Variants in NOL4L observed in about 807,000 individuals in gnomAD.
NOL4L encodes nucleolar protein 4-like.
NOL4L carries 7 observed loss-of-function variants against 64.5 expected under a neutral mutation model. The observed-to-expected ratio is 0.11, with a 90% CI of 0.06 to 0.20. The LOEUF is 0.20. Among genes scored for constraint, NOL4L ranks in the 10% least tolerant of loss-of-function variants. The pLI is 1.00. For missense variants in NOL4L, 680 were observed against 967.1 expected (o/e 0.70, Z 3.94); for synonymous variants, 413 against 401.0 (o/e 1.03, Z -0.36).
intron 4 of NOL4L, 30 bp downstream of exon 4, chr20:32,511,317 A>C (rs1233211485): frequency 2.1e-6 from 3 of 1,428,878 alleles, no homozygotes; most frequent in Non-Finnish European, 2.9e-6. Context: ...GGACGCCTCC[A>C]GGTGGGGTGA....
intron 5 of NOL4L, among the ~76,000 whole-genome samples, chr20:32,473,941 T>C (rs2015205772): frequency 6.6e-6 from 1 of 152,138 alleles, no homozygotes; most frequent in Non-Finnish European, 1.5e-5. Flanking sequence ...GCCCAACCAC[T>C]TGGGGGAGTC....
chr20:32,576,081 C>T lies in NOL4L; in HGVS notation c.321+8489G>A, dbSNP rs148637823. 3.4e-3 allele frequency among the ~76,000 whole-genome samples: 513 copies of T among 152,334 alleles called. 2 individuals carry two copies. Among genetic ancestry groups the T allele is most frequent in the African/African-American group, 0.012 (481 of 41,580 alleles). On this transcript the variant is annotated intron_variant, in intron 1 of 10. Transcript: ENST00000621426. ...GAGCAGTGGGCAGCCAGGGCCAGATCGCGCAGGGCTCTGCAGGCTACTGGG... is the reference window on the plus strand; with the variant it reads ...GAGCAGTGGGCAGCCAGGGCCAGATTGCGCAGGGCTCTGCAGGCTACTGGG...
chr20:32,454,445 T>C (rs1036146818), intron 6 of NOL4L, among the ~76,000 whole-genome samples: 1 of 149,552 alleles, frequency 6.7e-6, no homozygotes, highest in African/African-American at 2.6e-5. Context: ...CCCAGCAGTC[T>C]CCTGTCCTCC....
intron 2 of NOL4L, among the ~76,000 whole-genome samples, chr20:32,525,066 G>A (rs926901316): frequency 6.6e-6 from 1 of 152,232 alleles, no homozygotes; most frequent in Non-Finnish European, 1.5e-5. Flanking sequence ...GCTCCAGGCT[G>A]GGCAGCGGGA....
intron 1 of NOL4L, among the ~76,000 whole-genome samples, chr20:32,568,951 A>G (rs57351160): frequency 0.27 from 41,208 of 152,148 alleles, 11,199 homozygotes; most frequent in African/African-American, 0.7. Flanking sequence ...AAAGGAGAAA[A>G]CTGAGGCACA....
At chr20:32,561,411 G>A (rs886421075) in intron 1 of NOL4L, among the ~76,000 whole-genome samples, 2 of 152,216 alleles carry the variant, frequency 1.3e-5, no homozygotes, top group Non-Finnish European at 2.9e-5. Context: ...AAAAAACGAG[G>A]CTGAGTCCTT....
intron 4 of NOL4L, among the ~76,000 whole-genome samples, chr20:32,476,743 G>T (rs2015423948): frequency 6.6e-6 from 1 of 152,260 alleles, no homozygotes; most frequent in African/African-American, 2.4e-5. Flanking sequence ...ATCCACGAGG[G>T]AGATGGACAA....
rs1054403945 is a variant in NOL4L, at chr20:32,453,030, C to G, written c.1498-24G>C. ...GTCTGCAGGCAGAACGGGGATGGAGCTAGCATGGGGCCCGTGGGGGCCCTG... is the reference window on the plus strand; with the variant it reads ...GTCTGCAGGCAGAACGGGGATGGAGGTAGCATGGGGCCCGTGGGGGCCCTG... On this transcript the variant is annotated intron_variant, in intron 8 of 10. Coordinates refer to ENST00000621426, the MANE Select transcript of NOL4L (RefSeq NM_001256798.2). The surrounding 1 kb of genome is among the most constrained non-coding windows in gnomAD (Gnocchi z 5.6). 6.2e-7 allele frequency: 1 copy of G among 1,611,600 alleles called. No individual in the cohort carries two copies. Among genetic ancestry groups the G allele is most frequent in the Non-Finnish European group, 8.5e-7 (1 of 1,179,860 alleles).
intron 1 of NOL4L, among the ~76,000 whole-genome samples, chr20:32,562,689 C>T (rs1253846171): frequency 6.6e-6 from 1 of 151,976 alleles, no homozygotes; most frequent in African/African-American, 2.4e-5. Context: ...GCCTGGTATC[C>T]TATCTCTGGA....
At chr20:32,546,786 G>T (rs2018738859) in intron 1 of NOL4L, among the ~76,000 whole-genome samples, 1 of 152,208 alleles carries the variant, frequency 6.6e-6, no homozygotes, top group African/African-American at 2.4e-5. Context: ...GTGGGACACA[G>T]GAGAGAGCAT....
chr20:32,483,505 G>A, intron 4 of NOL4L: 2 of 985,338 alleles, frequency 2.0e-6, no homozygotes, highest in South Asian at 4.6e-5. Flanking sequence ...CCACCGCGGC[G>A]CGTCACTGCC....
intron 1 of NOL4L, among the ~76,000 whole-genome samples, chr20:32,574,820 C>T (rs935680006): frequency 1.3e-5 from 2 of 152,096 alleles, no homozygotes; most frequent in African/African-American, 4.8e-5. Flanking sequence ...CCCACCGCCA[C>T]AGGCTGCCAG....
intron 1 of NOL4L, among the ~76,000 whole-genome samples, chr20:32,582,944 G>C (rs1247054467): frequency 3.3e-5 from 5 of 152,034 alleles, no homozygotes; most frequent in Non-Finnish European, 7.4e-5. Context: ...GGACTCGATC[G>C]GGGGAGGGGA....
intron 3 of NOL4L, 35 bp from the exon 4 acceptor site, chr20:32,511,491 C>G (rs940310405): frequency 2.5e-5 from 37 of 1,459,090 alleles, no homozygotes; most frequent in Middle Eastern, 1.7e-4. Context: ...CCCTTTCAGT[C>G]TGTGCTGCGG....
At chr20:32,508,419 C>T (rs969124128) in intron 4 of NOL4L, among the ~76,000 whole-genome samples, 1 of 152,224 alleles carries the variant, frequency 6.6e-6, no homozygotes, top group African/African-American at 2.4e-5. Flanking sequence ...TCTTGCGCCA[C>T]GTGCCCAGCC....
chr20:32,475,329 G>A (rs1420329058), intron 4 of NOL4L: 1 of 985,354 alleles, frequency 1.0e-6, no homozygotes, highest in Non-Finnish European at 1.2e-6. Context: ...CAGCTTCCAG[G>A]GCTGAAAGGG....
Position 32,446,491 on chromosome 20 carries a change from G to A in NOL4L, c.*1105C>T, listed in dbSNP as rs1259589187. The A allele has an allele frequency of 1.3e-5, 2 of 152,324 alleles. No homozygotes were observed. The highest frequency in any genetic ancestry group is 1.9e-4 in the East Asian group (1 of 5,198). The allele number at this position is 152,324 out of a possible 1,614,324, so 9.4% of individuals were successfully genotyped here. ...GAAGAAGTGGCCCCTCTTGGCAGGA[G>A]TGAGTCTGAGGGGCCAGGCCTGTGC... is the stretch of plus-strand genomic sequence containing the variant. On this transcript the variant is annotated 3_prime_UTR_variant, in exon 11 of 11. Coordinates refer to ENST00000621426, the MANE Select transcript of NOL4L (RefSeq NM_001256798.2).
At chr20:32,500,541 T>TC (rs1294171966) in intron 4 of NOL4L, among the ~76,000 whole-genome samples, 66 of 101,734 alleles carry the variant, frequency 6.5e-4, no homozygotes, top group East Asian at 2.5e-3. Flanking sequence ...TTTCTTTCTT[T>TC]TTTTTTTTTT....
chr20:32,536,805 G>C, intron 1 of NOL4L, among the ~76,000 whole-genome samples: 1 of 122,056 alleles, frequency 8.2e-6, no homozygotes, highest in Non-Finnish European at 1.8e-5. Flanking sequence ...GGAGTGGGGG[G>C]GGGGGGGCGC....
Sources: gnomAD v4.1 joint callset for allele counts (sites outside exome capture counted in the v4.1 genomes callset) on GRCh38, gnomAD v4.1.1 for gene constraint, Gnocchi (gnomAD v3.1) non-coding constraint, MANE v1.5 for transcripts, NCBI Gene and HGNC (gene_info 2026-07-23, HGNC 2026-07-21) for gene names.